The following DPYSL2 variants were observed in gnomAD, a reference collection of about 807,000 sequenced individuals.
DPYSL2 encodes the protein dihydropyrimidinase like 2, also known as dihydropyrimidinase-related protein 2.
In DPYSL2, 13 loss-of-function variants were observed where a neutral mutation model predicts 69.9. The observed-to-expected ratio is 0.19, with a 90% CI of 0.12 to 0.30. The LOEUF is 0.30. DPYSL2 is among the 10% of genes least tolerant of loss of function. The pLI, the probability that DPYSL2 is intolerant of heterozygous loss-of-function variation, is 1.00. For synonymous variants in DPYSL2, 326 were observed against 359.1 expected (o/e 0.91, Z 1.04); for missense variants, 587 against 918.9 (o/e 0.64, Z 4.67).
Position 26,565,213 on chromosome 8 carries a change from G to T in DPYSL2, c.355-16756G>T, listed in dbSNP as rs416723. 0.99 allele frequency among the ~76,000 whole-genome samples: 151,008 copies of T among 152,300 alleles called. 74,873 individuals carry two copies. Among genetic ancestry groups the T allele is most frequent in the Middle Eastern group, 1 (294 of 294 alleles). The stretch of plus-strand genomic sequence containing the variant: ...GGGCACTTAGGCTGGTTCCATATTT[G>T]TGCAACTGTGACTTGTGCTGCAATA... On this transcript the variant is annotated intron_variant, in intron 1 of 13. Transcript: ENST00000521913. This position sits in a 1 kb window ranked among gnomAD's most constrained non-coding sequence, Gnocchi z 4.1.
rs1413947444 is a variant in DPYSL2, at chr8:26,657,764, T to G, written c.*2058T>G. On this transcript the variant is annotated 3_prime_UTR_variant, in exon 14 of 14. Coordinates refer to ENST00000521913, the MANE Select transcript of DPYSL2 (RefSeq NM_001197293.3). ...CATGGTAATTTTTGGTTGTTTTGGT[T>G]GTTTTCTTAAAAAACAAGTTAAAAC... The G allele has an allele frequency of 1.3e-5, 2 of 152,700 alleles. No homozygotes were observed. The highest frequency in any genetic ancestry group is 2.9e-5 in the Non-Finnish European group (2 of 68,046). 9.5% of individuals were successfully genotyped at this position (152,700 alleles called of 1,614,324 possible).
rs145853420 is a variant in DPYSL2 at position 26,653,270 on chromosome 8, C to T, written c.1815C>T (p.Asp605=). Reference sequence around the variant, plus strand: ...GAGGGGTTCCTCGTGGCCTGTATGACGGACCTGTGTGTGAAGTGTCTGTGA... The same window carrying T: ...GAGGGGTTCCTCGTGGCCTGTATGATGGACCTGTGTGTGAAGTGTCTGTGA... The part of the protein sequence containing the change: ...ELRGVPRGLY[D]GPVCEVSVTP... The change falls in exon 13 of 14, where the codon GAC becomes GAT. Residue 605 remains aspartate, a synonymous_variant. Transcript: ENST00000521913. This position sits in a 1 kb window ranked among gnomAD's most constrained non-coding sequence, Gnocchi z 5.7. The T allele has an allele frequency of 6.6e-4, 1,069 of 1,613,972 alleles. 3 individuals carry two copies. The highest frequency in any genetic ancestry group is 8.7e-4 in the Non-Finnish European group (1,029 of 1,180,022).
chr8:26,605,042 A>G lies in DPYSL2; in HGVS notation c.629-19101A>G, dbSNP rs2129829118. Among the ~76,000 whole-genome samples, 1 of 152,210 alleles carries G rather than the reference A, an allele frequency of 6.6e-6. No homozygotes were observed. Among genetic ancestry groups the G allele is most frequent in the South Asian group, 2.1e-4 (1 of 4,810 alleles). On this transcript the variant is annotated intron_variant, in intron 3 of 13. Coordinates refer to ENST00000521913, the MANE Select transcript of DPYSL2 (RefSeq NM_001197293.3). This position sits in a 1 kb window ranked among gnomAD's most constrained non-coding sequence, Gnocchi z 4.1. The stretch of plus-strand genomic sequence containing the variant: ...TAGAGAGTATCTTTTATGTTTCTCA[A>G]AGGCGTTATGTTCTGCATTGTAAAT...
intron 1 of DPYSL2, among the ~76,000 whole-genome samples, chr8:26,521,532 T>C (rs1428088276): frequency 2.0e-5 from 3 of 152,184 alleles, no homozygotes; most frequent in Non-Finnish European, 4.4e-5. Context: ...ATTCTTATTT[T>C]GGCAGGTTTG....
chr8:26,624,315 G>C lies in DPYSL2; in HGVS notation c.793+8G>C, dbSNP rs777846501. The C allele has an allele frequency of 6.8e-6, 11 of 1,613,698 alleles. No homozygotes were observed. The highest frequency in any genetic ancestry group is 9.3e-6 in the Non-Finnish European group (11 of 1,179,742). ...CGCTTGTGAAGGATCACGGTAGGTTGCACTGAGTCAATGCCCTCTGCAGAT... is the reference window on the plus strand; with the variant it reads ...CGCTTGTGAAGGATCACGGTAGGTTCCACTGAGTCAATGCCCTCTGCAGAT... On this transcript the variant is annotated splice_region_variant and intron_variant, in intron 4 of 13. Transcript: ENST00000521913. The surrounding 1 kb of genome is among the most constrained non-coding windows in gnomAD (Gnocchi z 4.7).
Position 26,653,414 on chromosome 8 carries a change from G to C in DPYSL2, c.1942+17G>C. 6.2e-7 allele frequency: 1 copy of C among 1,608,310 alleles called. No homozygotes were observed. Among genetic ancestry groups the C allele is most frequent in the Non-Finnish European group, 8.5e-7 (1 of 1,176,808 alleles). Reference sequence around the variant, plus strand: ...GTTTGTCTGGTAGGGTTGGGGCTTGGGGAGGGCACAGTTCTGCAGGGCCAG... The same window carrying C: ...GTTTGTCTGGTAGGGTTGGGGCTTGCGGAGGGCACAGTTCTGCAGGGCCAG... On this transcript the variant is annotated intron_variant, in intron 13 of 13. Coordinates refer to ENST00000521913, the MANE Select transcript of DPYSL2 (RefSeq NM_001197293.3). The surrounding 1 kb of genome is among the most constrained non-coding windows in gnomAD (Gnocchi z 5.7).
In DPYSL2 at chr8:26,648,235, G is replaced by C. The variant is rs761542098; in HGVS notation, c.1596+435G>C. Among the ~76,000 whole-genome samples, 13 of 152,158 alleles carry C rather than the reference G, an allele frequency of 8.5e-5. No homozygotes were observed. Among genetic ancestry groups the C allele is most frequent in the Non-Finnish European group, 1.5e-4 (10 of 68,030 alleles). ...CTTAAGCCATTGTTTTCTCAGGCCA[G>C]TATCCATGCAGAAAACTGGATGACA... On this transcript the variant is annotated intron_variant, in intron 11 of 13. Coordinates refer to ENST00000521913, the MANE Select transcript of DPYSL2 (RefSeq NM_001197293.3). The surrounding 1 kb of genome is among the most constrained non-coding windows in gnomAD (Gnocchi z 4.3).
intron 1 of DPYSL2, among the ~76,000 whole-genome samples, chr8:26,569,576 G>GT (rs929827733): frequency 3.9e-5 from 6 of 152,316 alleles, no homozygotes; most frequent in African/African-American, 1.4e-4. Context: ...GTAAGGTGGA[G>GT]TGGAGGACTA....
At position 26,514,377 on chromosome 8, in the gene DPYSL2, G is replaced by C; in HGVS notation, c.52G>C (p.Ala18Pro). 5.9e-6 allele frequency: 9 copies of C among 1,515,502 alleles called. No individual in the cohort carries two copies. The highest frequency in any genetic ancestry group is 7.9e-6 in the Non-Finnish European group (9 of 1,138,638). 93.9% of individuals were successfully genotyped at this position (1,515,502 alleles called of 1,614,324 possible). Residue 18 changes from alanine (A) to proline (P), a missense_variant, in exon 1 of 14, where the codon GCT becomes CCT. By Grantham distance (27) the Ala-to-Pro change is conservative (BLOSUM62 -1). Around this residue, in one of 3 missense-constraint regions of DPYSL2, gnomAD observed 50 missense variants for 86.8 expected, o/e 0.58. Transcript: ENST00000521913. This position sits in a 1 kb window ranked among gnomAD's most constrained non-coding sequence, Gnocchi z 8.4. ...GGCGGCAGAGGACGAAGAGGTCCCT[G>C]CTTTTTTTAAAAACCTGGGCTCCGG... ...GKAAEDEEVP[A>P]FFKNLGSGSP...
chr8:26,528,374 C>T (rs182056839), intron 1 of DPYSL2, among the ~76,000 whole-genome samples: 7 of 152,224 alleles, frequency 4.6e-5, no homozygotes, highest in East Asian at 3.9e-4. Context: ...ATGGGCCGGG[C>T]GCGGTGGCTC....
chr8:26,635,236 G>A (rs548677139), intron 8 of DPYSL2, among the ~76,000 whole-genome samples: 7 of 152,174 alleles, frequency 4.6e-5, no homozygotes, highest in Non-Finnish European at 7.3e-5. Context: ...GTTTCCATCC[G>A]CCCCAGAATC....
In DPYSL2 at chr8:26,571,800, G is replaced by A. The variant is rs1441534397; in HGVS notation, c.355-10169G>A. 1.3e-5 allele frequency among the ~76,000 whole-genome samples: 2 copies of A among 152,134 alleles called. No homozygotes were observed. The highest frequency in any genetic ancestry group is 2.4e-5 in the African/African-American group (1 of 41,434). On this transcript the variant is annotated intron_variant, in intron 1 of 13. Coordinates refer to ENST00000521913, the MANE Select transcript of DPYSL2 (RefSeq NM_001197293.3). The surrounding 1 kb of genome is among the most constrained non-coding windows in gnomAD (Gnocchi z 6.1). ...ACCCTCATTTGTCACCACTGTCACT[G>A]CTGCTAAAAGGATGCAGCCACAGGG...
At chr8:26,542,503 C>T (rs558378737) in intron 1 of DPYSL2, among the ~76,000 whole-genome samples, 3 of 151,940 alleles carry the variant, frequency 2.0e-5, no homozygotes, top group African/African-American at 7.2e-5. Context: ...GTCACTGGAA[C>T]CTCAACCTCG....
In DPYSL2 at chr8:26,583,880, T is replaced by C. The variant is rs1223295151; in HGVS notation, c.525T>C (p.Ile175=). The change falls in exon 3 of 14, where the codon ATT becomes ATC. Residue 175 remains isoleucine, a synonymous_variant. Transcript: ENST00000521913. ...CCCGGATGGTGATCCCCGGAGGAAT[T>C]GACGTCCACACTCGTTTCCAGATGC... ...AHSRMVIPGG[I]DVHTRFQMPD... is the part of the protein sequence containing the mutation. 2 of 1,614,170 alleles carry C rather than the reference T, an allele frequency of 1.2e-6. No individual in the cohort carries two copies. Among genetic ancestry groups the C allele is most frequent in the Non-Finnish European group, 8.5e-7 (1 of 1,180,040 alleles).
rs188144083 is a variant in DPYSL2, at chr8:26,648,351, C to T, written c.1596+551C>T. On this transcript the variant is annotated intron_variant, in intron 11 of 13. Transcript: ENST00000521913. This position sits in a 1 kb window ranked among gnomAD's most constrained non-coding sequence, Gnocchi z 4.3. ...ATTTGATTGTTGTTTTAGGATCTGC[C>T]GCTTTGGGTATCTCTTCCCTCTGGG... Among the ~76,000 whole-genome samples, 125 of 152,288 alleles carry T rather than the reference C, an allele frequency of 8.2e-4. No individual in the cohort carries two copies. Among genetic ancestry groups the T allele is most frequent in the African/African-American group, 3.0e-3 (124 of 41,550 alleles).
chr8:26,577,583 C>A (rs965232365), intron 1 of DPYSL2, among the ~76,000 whole-genome samples: 1 of 149,726 alleles, frequency 6.7e-6, no homozygotes, highest in African/African-American at 2.4e-5. Flanking sequence ...GGCCCCGAAG[C>A]CCCGCCGTCT....
At chr8:26,534,688 A>G (rs1800564075) in intron 1 of DPYSL2, among the ~76,000 whole-genome samples, 1 of 151,582 alleles carries the variant, frequency 6.6e-6, no homozygotes, top group Non-Finnish European at 1.5e-5. Context: ...GCTGGAATGC[A>G]GTGGCACAAT....
In DPYSL2 at chr8:26,605,983, A is replaced by T. The variant is rs936634260; in HGVS notation, c.629-18160A>T. Among the ~76,000 whole-genome samples the T allele has an allele frequency of 2.6e-5, 4 of 152,180 alleles. No homozygotes were observed. The highest frequency in any genetic ancestry group is 9.6e-5 in the African/African-American group (4 of 41,456). ...GGTGAAAGATTAAACAGGTGATAAG[A>T]ACCAAAAAATATTCAAAAAGGTCAT... On this transcript the variant is annotated intron_variant, in intron 3 of 13. Transcript: ENST00000521913. This position sits in a 1 kb window ranked among gnomAD's most constrained non-coding sequence, Gnocchi z 4.1.
intron 1 of DPYSL2, among the ~76,000 whole-genome samples, chr8:26,561,500 A>G (rs1339133467): frequency 3.9e-5 from 6 of 152,066 alleles, no homozygotes; most frequent in African/African-American, 9.7e-5. Flanking sequence ...CATGGCCCCA[A>G]TGGAAACCAT....
Sources: gnomAD v4.1 joint callset for allele counts (sites outside exome capture counted in the v4.1 genomes callset) on GRCh38, gnomAD v4.1.1 for gene constraint, gnomAD v4.1.1 regional missense constraint, Gnocchi (gnomAD v3.1) non-coding constraint, MANE v1.5 for transcripts, NCBI Gene and HGNC (gene_info 2026-07-23, HGNC 2026-07-21) for gene names.